The following FGFR1OP2 variants were observed in gnomAD, a reference collection of about 807,000 sequenced individuals.
FGFR1OP2 encodes FGFR1 oncogene partner 2.
A neutral mutation model predicts 35.2 loss-of-function variants in FGFR1OP2; 17 were observed. The ratio of observed to expected loss-of-function variants is 0.48; its 90% CI spans 0.33 to 0.73. The LOEUF is 0.73. Among genes scored for constraint, FGFR1OP2 ranks in the 30% least tolerant of loss-of-function variants. FGFR1OP2 has a pLI of 0.02. For synonymous variants in FGFR1OP2, 105 were observed against 104.6 expected (o/e 1.00, Z -0.03); for missense variants, 251 against 307.3 (o/e 0.82, Z 1.37).
chr12:26,960,491 CATT>C (rs759541371), intron 4 of FGFR1OP2, 21 bp from the exon 5 acceptor site: 1 of 1,531,934 alleles, frequency 6.5e-7, no homozygotes, highest in Non-Finnish European at 9.0e-7. Flanking sequence ...TCCGTATTAA[CATT>C]ATAATGACTC....
intron 1 of FGFR1OP2, among the ~76,000 whole-genome samples, chr12:26,952,250 A>G (rs1938944323): frequency 6.6e-6 from 1 of 152,032 alleles, no homozygotes; most frequent in Admixed American, 6.5e-5. Context: ...GTCTGTCTAC[A>G]GTTTTAGATA....
intron 1 of FGFR1OP2, among the ~76,000 whole-genome samples, chr12:26,951,148 ATT>A (rs144605456): frequency 7.5e-5 from 11 of 147,068 alleles, no homozygotes; most frequent in African/African-American, 2.5e-4. Flanking sequence ...AAGGTATACG[ATT>A]TTTTTTTTTT....
chr12:26,955,519 A>T (rs577116722), intron 2 of FGFR1OP2, among the ~76,000 whole-genome samples: 2 of 152,222 alleles, frequency 1.3e-5, no homozygotes, highest in Admixed American at 1.3e-4. Flanking sequence ...AACCACTAAT[A>T]TTTCTATCTC....
rs1939154858 is a variant in FGFR1OP2 at position 26,964,940 on chromosome 12, A to ACGGAGGATTTGTACGCT, written c.*207_*208insCGGAGGATTTGTACGCT. 1 of 471,284 alleles carries ACGGAGGATTTGTACGCT rather than the reference A, an allele frequency of 2.1e-6. No homozygotes were observed. The highest frequency in any genetic ancestry group is 1.9e-5 in the African/African-American group (1 of 52,136). The allele number at this position is 471,284 out of a possible 1,614,324, so 29.2% of individuals were successfully genotyped here. ...GGAAAATAGAAACTGAGCCATTGCC[A>ACGGAGGATTTGTACGCT]AATGGTAAAGAAATGAAAAGTTTTC... On this transcript the variant is annotated 3_prime_UTR_variant, in exon 7 of 7. Coordinates refer to ENST00000229395, the MANE Select transcript of FGFR1OP2 (RefSeq NM_015633.3).
chr12:26,942,588 T>C (rs979765577), intron 1 of FGFR1OP2, among the ~76,000 whole-genome samples: 1 of 152,198 alleles, frequency 6.6e-6, no homozygotes, highest in African/African-American at 2.4e-5. Context: ...TTATACATAT[T>C]AGATAGGGAG....
rs1939168939 is a variant in FGFR1OP2 at position 26,965,838 on chromosome 12, T to C, written c.*1105T>C. The C allele has an allele frequency of 7.1e-6, 1 of 141,752 alleles. No individual in the cohort carries two copies. The highest frequency in any genetic ancestry group is 6.7e-5 in the Admixed American group (1 of 14,876). 8.8% of individuals were successfully genotyped at this position (141,752 alleles called of 1,614,324 possible). ...CTTTTAAAATGTCAAATATATAATA[T>C]GTAATTTTTTTAAAAACCACCAGAT... On this transcript the variant is annotated 3_prime_UTR_variant, in exon 7 of 7. Coordinates refer to ENST00000229395, the MANE Select transcript of FGFR1OP2 (RefSeq NM_015633.3).
chr12:26,943,354 GA>G (rs973688454), intron 1 of FGFR1OP2, among the ~76,000 whole-genome samples: 15 of 152,080 alleles, frequency 9.9e-5, no homozygotes, highest in African/African-American at 3.6e-4. Context: ...TTGGTAGTGT[GA>G]AAAAAACTGA....
chr12:26,964,115 A>C (rs942505034), intron 6 of FGFR1OP2, among the ~76,000 whole-genome samples: 1 of 152,158 alleles, frequency 6.6e-6, no homozygotes, highest in African/African-American at 2.4e-5. Context: ...TTGGTCACTT[A>C]CTTTCCTTCT....
intron 5 of FGFR1OP2, chr12:26,961,410 G>A (rs1939103954): frequency 6.6e-6 from 1 of 152,108 alleles, no homozygotes; most frequent in African/African-American, 2.4e-5. Flanking sequence ...ACTTGGTACT[G>A]AAAAAATCAG....
Position 26,957,903 on chromosome 12 carries a change from A to G in FGFR1OP2, c.396+160A>G. 7 of 535,264 alleles carry G rather than the reference A, an allele frequency of 1.3e-5. No individual in the cohort carries two copies. In the South Asian group the frequency reaches 2.9e-4, roughly 22 times the overall value. The allele number at this position is 535,264 out of a possible 1,614,324, so 33.2% of individuals were successfully genotyped here. On this transcript the variant is annotated intron_variant, in intron 4 of 6. Transcript: ENST00000229395. ...TAATTGACATTTTCTCCTTTTTCTT[A>G]TTTTTCCATTTCTTGTTATATATCA...
chr12:26,946,886 G>C (rs915299691), intron 1 of FGFR1OP2, among the ~76,000 whole-genome samples: 2 of 152,100 alleles, frequency 1.3e-5, no homozygotes, highest in Non-Finnish European at 2.9e-5. Flanking sequence ...TTCAGCCTCT[G>C]TGGATTTGCC....
chr12:26,966,618 T>C lies in FGFR1OP2; in HGVS notation c.*1885T>C, dbSNP rs1939192112. The C allele has an allele frequency of 6.6e-6, 1 of 151,978 alleles. No homozygotes were observed. The highest frequency in any genetic ancestry group is 1.5e-5 in the Non-Finnish European group (1 of 67,976). The allele number at this position is 151,978 out of a possible 1,614,324, so 9.4% of individuals were successfully genotyped here. The stretch of plus-strand genomic sequence containing the variant: ...AGGTATGTACTGCATAGGAACCTAT[T>C]TTATTATTAAAGATGAATGATTAAA... On this transcript the variant is annotated 3_prime_UTR_variant, in exon 7 of 7. Coordinates refer to ENST00000229395, the MANE Select transcript of FGFR1OP2 (RefSeq NM_015633.3).
At chr12:26,964,446 A>G (rs1939145202) in intron 6 of FGFR1OP2, 150 bp from the exon 7 acceptor site, 1 of 707,774 alleles carries the variant, frequency 1.4e-6, no homozygotes, top group East Asian at 2.7e-5. Context: ...CAAGTTGCCA[A>G]CTGCATATAT....
chr12:26,959,051 G>A (rs1478627483), intron 4 of FGFR1OP2, among the ~76,000 whole-genome samples: 1 of 151,926 alleles, frequency 6.6e-6, no homozygotes, highest in African/African-American at 2.4e-5. Flanking sequence ...GTGCTTGTAC[G>A]TGTTTTTAAC....
At chr12:26,944,942 G>A (rs1441329548) in intron 1 of FGFR1OP2, among the ~76,000 whole-genome samples, 1 of 152,034 alleles carries the variant, frequency 6.6e-6, no homozygotes, top group Admixed American at 6.6e-5. Flanking sequence ...ACTTTATGTA[G>A]TTTGTGTTTT....
intron 1 of FGFR1OP2, among the ~76,000 whole-genome samples, chr12:26,941,889 T>A (rs1336867101): frequency 6.6e-6 from 1 of 152,224 alleles, no homozygotes; most frequent in Non-Finnish European, 1.5e-5. Context: ...AGATTGAGAT[T>A]ATTTCTATAC....
chr12:26,949,125 C>G (rs1467367233), intron 1 of FGFR1OP2, among the ~76,000 whole-genome samples: 1 of 152,142 alleles, frequency 6.6e-6, no homozygotes, highest in East Asian at 1.9e-4. Context: ...GTCGTTGATT[C>G]ACCATTACAG....
At position 26,948,672 on chromosome 12, in the gene FGFR1OP2, A is replaced by G. The variant is rs1248870071; in HGVS notation, c.-14-5473A>G. Among the ~76,000 whole-genome samples, 3 of 152,248 alleles carry G rather than the reference A, an allele frequency of 2.0e-5. No homozygotes were observed. The East Asian group carries it at 5.8e-4, about 29-fold the overall frequency. ...TTCCTGAGGACTGGGAATGATGAAG[A>G]CAAGGTTTCTTAGAAGGAAGCAAAG... On this transcript the variant is annotated intron_variant, in intron 1 of 6. Transcript: ENST00000229395.
In FGFR1OP2 at chr12:26,954,188, C is replaced by A; in HGVS notation, c.30C>A (p.Ala10=). 1 of 1,604,746 alleles carries A rather than the reference C, an allele frequency of 6.2e-7. No individual in the cohort carries two copies. The highest frequency in any genetic ancestry group is 1.7e-5 in the Admixed American group (1 of 59,094). The change falls in exon 2 of 7, where the codon GCC becomes GCA. Residue 10 remains alanine (A), a synonymous_variant. Transcript: ENST00000229395. ...GTTGCACAATTGAGAAGGCACTTGCCGACGCTAAAGCTCTTGTTGAAAGAT... is the reference window on the plus strand; with the variant it reads ...GTTGCACAATTGAGAAGGCACTTGCAGACGCTAAAGCTCTTGTTGAAAGAT... MSCTIEKAL[A]DAKALVERLR...
Sources: allele counts gnomAD v4.1 joint callset (sites outside exome capture counted in the v4.1 genomes callset), GRCh38; gene constraint gnomAD v4.1.1; transcripts MANE v1.5; gene names NCBI Gene and HGNC (gene_info 2026-07-23, HGNC 2026-07-21).